The following FRMPD4 variants were observed in gnomAD, a reference collection of about 807,000 sequenced individuals.
The protein encoded by FRMPD4 is FERM and PDZ domain containing 4, also known as FERM and PDZ domain-containing protein 4.
Under a neutral mutation model 94.1 loss-of-function variants are expected in FRMPD4, and 22 were observed. That is an observed-to-expected ratio of 0.23 (90% CI 0.17 to 0.33). The LOEUF is 0.33. Among genes scored for constraint, FRMPD4 ranks in the 10% least tolerant of loss-of-function variants. The pLI, the probability that FRMPD4 is intolerant of heterozygous loss-of-function variation, is 1.00. For missense variants in FRMPD4, 1,111 were observed against 1,339.9 expected, an observed-to-expected ratio of 0.83 and a Z score of 2.67; for synonymous variants, 631 against 548.6, an observed-to-expected ratio of 1.15 and a Z score of -2.10.
At chrX:12,649,912 T>C (rs1440280433) in intron 4 of FRMPD4, among the ~76,000 whole-genome samples, 1 of 112,554 alleles carries the variant, frequency 8.9e-6, no homozygotes, top group Non-Finnish European at 1.9e-5. Context: ...GTTTATCTCT[T>C]CTCCCAATTT....
At chrX:12,418,346 C>CT (rs1569268568) in intron 1 of FRMPD4, among the ~76,000 whole-genome samples, 5 of 57,467 alleles carry the variant, frequency 8.7e-5, no homozygotes, top group African/African-American at 4.5e-4. Flanking sequence ...ATCAGTGTTT[C>CT]TTTCTTTTTT....
chrX:12,079,095 A>C (rs1238594113), intron 3 of FRMPD4, among the ~76,000 whole-genome samples: 1 of 111,509 alleles, frequency 9.0e-6, no homozygotes, highest in African/African-American at 3.3e-5. Flanking sequence ...AACTGGTTTC[A>C]GGCAGCCTAC....
chrX:12,361,749 TTCTC>T (rs1601858136), intron 1 of FRMPD4, among the ~76,000 whole-genome samples: 3 of 111,840 alleles, frequency 2.7e-5, no homozygotes, highest in Admixed American at 1.9e-4. Flanking sequence ...CAGAAAGATA[TTCTC>T]TCACAGTTCT....
Position 12,126,145 on chromosome X carries a change from T to C in FRMPD4, c.95+248127T>C, listed in dbSNP as rs1031339072. Among the ~76,000 whole-genome samples the C allele has an allele frequency of 9.8e-5, 11 of 112,186 alleles. 1 individual carries two copies. The highest frequency in any genetic ancestry group is 4.7e-4 in the Admixed American group (5 of 10,616). ...AGCCTCAGTAATAATACCTTGCAAGTATAACATGTCTGTAATTAGACTGTC... is the reference window on the plus strand; with the variant it reads ...AGCCTCAGTAATAATACCTTGCAAGCATAACATGTCTGTAATTAGACTGTC... On this transcript the variant is annotated intron_variant, in intron 3 of 18. Transcript: ENST00000640291.
chrX:12,509,880 T>C (rs1246947868), intron 2 of FRMPD4, among the ~76,000 whole-genome samples: 1 of 112,353 alleles, frequency 8.9e-6, no homozygotes, highest in African/African-American at 3.2e-5. Flanking sequence ...AAAATTATCT[T>C]TCTGGAAATA....
At chrX:12,034,717 G>C (rs2054711015) in intron 3 of FRMPD4, among the ~76,000 whole-genome samples, 1 of 112,066 alleles carries the variant, frequency 8.9e-6, no homozygotes, top group African/African-American at 3.2e-5. Context: ...TCAAGAATTG[G>C]ATTAGGTGAA....
chrX:12,299,357 A>G (rs1403652742), intron 1 of FRMPD4, among the ~76,000 whole-genome samples: 6 of 110,397 alleles, frequency 5.4e-5, no homozygotes, highest in Non-Finnish European at 1.1e-4. Context: ...GAAGAATGAA[A>G]AGTTATCCCA....
intron 11 of FRMPD4, among the ~76,000 whole-genome samples, 191 bp downstream of exon 11, chrX:12,704,676 A>C (rs1185859051): frequency 8.9e-6 from 1 of 112,703 alleles, no homozygotes; most frequent in Non-Finnish European, 1.9e-5. Flanking sequence ...ATAGAAACCT[A>C]TTTCTTTCTC....
chrX:12,398,570 G>C (rs991045361), intron 1 of FRMPD4, among the ~76,000 whole-genome samples: 1 of 111,633 alleles, frequency 9.0e-6, no homozygotes, highest in Non-Finnish European at 1.9e-5. Context: ...AATTAGAGAA[G>C]TGCTAAAGTT....
chrX:12,146,875 C>T (rs1411307037), intron 1 of FRMPD4, among the ~76,000 whole-genome samples: 1 of 112,242 alleles, frequency 8.9e-6, no homozygotes, highest in Non-Finnish European at 1.9e-5. Flanking sequence ...ATAGGACTAT[C>T]TCATCTTCAG....
At chrX:12,540,734 G>A (rs1253318980) in intron 2 of FRMPD4, among the ~76,000 whole-genome samples, 1 of 111,798 alleles carries the variant, frequency 8.9e-6, no homozygotes, top group Non-Finnish European at 1.9e-5. Flanking sequence ...TCTGCACCAA[G>A]TGGGCCTAAT....
At chrX:11,883,984 C>G (rs908192827) in intron 3 of FRMPD4, among the ~76,000 whole-genome samples, 12 of 111,696 alleles carry the variant, frequency 1.1e-4, no homozygotes, top group Non-Finnish European at 9.4e-5. Context: ...TTCTGATAAC[C>G]AGGAAATAAA....
intron 1 of FRMPD4, among the ~76,000 whole-genome samples, chrX:12,160,233 C>T (rs747991184): frequency 1.8e-5 from 2 of 111,275 alleles, no homozygotes; most frequent in African/African-American, 6.5e-5. Context: ...TCAAACTGTT[C>T]CCTAATGTAT....
chrX:12,444,972 C>T (rs774954741), intron 1 of FRMPD4, among the ~76,000 whole-genome samples: 1 of 112,077 alleles, frequency 8.9e-6, no homozygotes, highest in East Asian at 2.8e-4. Context: ...ACCATCCTGA[C>T]CTGAGTTTGA....
At chrX:12,460,865 T>C (rs1473992368) in intron 1 of FRMPD4, among the ~76,000 whole-genome samples, 1 of 112,062 alleles carries the variant, frequency 8.9e-6, no homozygotes, top group African/African-American at 3.2e-5. Flanking sequence ...TTTTATACTC[T>C]AATTTTTCTA....
chrX:11,997,938 C>T (rs2054505181), intron 3 of FRMPD4, among the ~76,000 whole-genome samples: 1 of 111,627 alleles, frequency 9.0e-6, no homozygotes, highest in Admixed American at 9.5e-5. Context: ...TGGCTCCCTG[C>T]TTGTGTAAAA....
At chrX:11,878,806 C>A (rs1251632469) in intron 3 of FRMPD4, among the ~76,000 whole-genome samples, 1 of 111,658 alleles carries the variant, frequency 9.0e-6, no homozygotes, top group Non-Finnish European at 1.9e-5. Flanking sequence ...TATTATAAGA[C>A]CCTTATAAAT....
intron 1 of FRMPD4, among the ~76,000 whole-genome samples, chrX:12,323,623 T>C (rs1004401485): frequency 5.4e-5 from 6 of 111,033 alleles, no homozygotes; most frequent in Admixed American, 1.9e-4. Context: ...CTTCCTCTTT[T>C]TGTTGAACTC....
At chrX:12,558,106 A>G (rs1176200320) in intron 2 of FRMPD4, among the ~76,000 whole-genome samples, 2 of 112,475 alleles carry the variant, frequency 1.8e-5, no homozygotes, top group African/African-American at 3.2e-5. Flanking sequence ...GTCCAATTAC[A>G]AATGTACAGC....
Sources: gnomAD v4.1 joint callset for allele counts (sites outside exome capture counted in the v4.1 genomes callset) on GRCh38, gnomAD v4.1.1 for gene constraint, MANE v1.5 for transcripts, NCBI Gene and HGNC (gene_info 2026-07-23, HGNC 2026-07-21) for gene names.